NOSIP: variants seen among roughly 807,000 people sequenced by gnomAD.
NOSIP encodes nitric oxide synthase-interacting protein.
Under a neutral mutation model 36.4 loss-of-function variants are expected in NOSIP, and 25 were observed. That is an observed-to-expected ratio of 0.69 (90% confidence interval 0.50 to 0.96). The LOEUF is 0.96. Among genes scored for constraint, NOSIP ranks in the 40% least tolerant of loss-of-function variants. NOSIP has a pLI of 0.00. For missense variants in NOSIP, 370 were observed against 429.0 expected (o/e 0.86, Z 1.21); for synonymous variants, 187 against 179.2 (o/e 1.04, Z -0.35).
At chr19:49,564,870 A>G (rs2080385515) in intron 1 of NOSIP, among the ~76,000 whole-genome samples, 1 of 152,200 alleles carries the variant, frequency 6.6e-6, no homozygotes, top group Non-Finnish European at 1.5e-5. Flanking sequence ...CCCATAGTAT[A>G]GCTGAATCTC....
chr19:49,564,911 C>T lies in NOSIP; in HGVS notation c.-1-4219G>A, dbSNP rs117679843. Reference sequence around the variant, plus strand: ...CACCACGCAGGCGAGACACCAGACACGCAAAAGAAAACTTACTGTATGATC... The same window carrying T: ...CACCACGCAGGCGAGACACCAGACATGCAAAAGAAAACTTACTGTATGATC... On this transcript the variant is annotated intron_variant, in intron 1 of 8. Transcript: ENST00000596358. 4.9e-3 allele frequency among the ~76,000 whole-genome samples: 739 copies of T among 152,212 alleles called. 12 individuals carry two copies. The highest frequency in any genetic ancestry group is 0.036 in the East Asian group (188 of 5,184).
Position 49,557,001 on chromosome 19 carries a change from G to A in NOSIP, c.419-8C>T. 1 of 1,602,182 alleles carries A rather than the reference G, an allele frequency of 6.2e-7. No homozygotes were observed. On this transcript the variant is annotated splice_polypyrimidine_tract_variant and splice_region_variant and intron_variant, in intron 5 of 8. Transcript: ENST00000596358. Reference sequence around the variant, plus strand: ...GCCCAGGTTGGACATCATCTGTGGGGGAAGGAAGGGACTCAGATGCCGCCC... The same window carrying A: ...GCCCAGGTTGGACATCATCTGTGGGAGAAGGAAGGGACTCAGATGCCGCCC...
intron 1 of NOSIP, among the ~76,000 whole-genome samples, chr19:49,567,283 G>A (rs1196259745): frequency 4.0e-5 from 6 of 151,676 alleles, no homozygotes; most frequent in South Asian, 2.1e-4. Context: ...CCACCACACC[G>A]TATAATTTTT....
intron 1 of NOSIP, among the ~76,000 whole-genome samples, chr19:49,576,976 A>G (rs1334090018): frequency 1.3e-5 from 2 of 152,030 alleles, no homozygotes; most frequent in East Asian, 3.9e-4. Context: ...TAATGAAAGG[A>G]CACCTAACAC....
At chr19:49,567,764 T>G (rs945090587) in intron 1 of NOSIP, among the ~76,000 whole-genome samples, 1 of 152,020 alleles carries the variant, frequency 6.6e-6, no homozygotes, top group African/African-American at 2.4e-5. Context: ...CTCTGCCTCC[T>G]GTGTTCAAGC....
rs774388893 is a variant in NOSIP, at chr19:49,556,756, G to A, written c.538-20C>T. ...GCGGGACTGCAAGGGGCAGAGAGAG[G>A]CGGGCTCAGTAGGCAGGGCTGGCGC... On this transcript the variant is annotated intron_variant, in intron 6 of 8. Transcript: ENST00000596358. The A allele has an allele frequency of 7.7e-5, 123 of 1,587,662 alleles. No homozygotes were observed. The highest frequency in any genetic ancestry group is 1.0e-4 in the Non-Finnish European group (117 of 1,166,162).
At chr19:49,562,923 T>A (rs78535027) in intron 1 of NOSIP, among the ~76,000 whole-genome samples, 16,635 of 152,100 alleles carry the variant, frequency 0.11, 2,426 homozygotes, top group African/African-American at 0.32. Flanking sequence ...ATTATATACT[T>A]GTCTCACTCA....
chr19:49,573,778 A>G (rs2080515949), intron 1 of NOSIP, among the ~76,000 whole-genome samples: 1 of 150,626 alleles, frequency 6.6e-6, no homozygotes, highest in African/African-American at 2.4e-5. Flanking sequence ...CGTTCTGCCC[A>G]TTTATTTTAT....
intron 8 of NOSIP, 25 bp from the exon 9 acceptor site, chr19:49,555,847 A>T: frequency 6.3e-7 from 1 of 1,597,696 alleles, no homozygotes; most frequent in Non-Finnish European, 8.6e-7. Flanking sequence ...GAGAAGGACG[A>T]GGTAGAGGCC....
chr19:49,577,758 G>A (rs2080572180), intron 1 of NOSIP, among the ~76,000 whole-genome samples: 1 of 85,126 alleles, frequency 1.2e-5, no homozygotes, highest in Non-Finnish European at 2.2e-5. Flanking sequence ...GAGCAAGGCC[G>A]TGTCTCGGGA....
At chr19:49,564,637 C>A (rs988553593) in intron 1 of NOSIP, among the ~76,000 whole-genome samples, 2 of 152,066 alleles carry the variant, frequency 1.3e-5, no homozygotes, top group Non-Finnish European at 2.9e-5. Context: ...TCAGTATCTA[C>A]TGAAGCCAGG....
intron 1 of NOSIP, among the ~76,000 whole-genome samples, chr19:49,570,921 T>A (rs2080475457): frequency 6.6e-6 from 1 of 152,074 alleles, no homozygotes; most frequent in African/African-American, 2.4e-5. Flanking sequence ...GATGGGGACA[T>A]TTTCCCTCCA....
At chr19:49,556,461 G>A (rs6509437) in intron 7 of NOSIP, 36 bp from the exon 8 acceptor site, 246,284 of 1,608,648 alleles carry the variant, frequency 0.15, 27,791 homozygotes, top group African/African-American at 0.58. Flanking sequence ...CTCTGATCAG[G>A]GGCCTTCCTG....
chr19:49,558,359 CT>C (rs2080285138), intron 4 of NOSIP: 1 of 151,566 alleles, frequency 6.6e-6, no homozygotes, highest in Admixed American at 6.6e-5. Context: ...AGCGATTCTC[CT>C]GCCTCAGCTT....
At chr19:49,567,719 G>C (rs2080429643) in intron 1 of NOSIP, among the ~76,000 whole-genome samples, 1 of 152,018 alleles carries the variant, frequency 6.6e-6, no homozygotes, top group Non-Finnish European at 1.5e-5. Context: ...GCCCAGGTTG[G>C]AGTGTAGTAG....
chr19:49,574,937 A>G (rs1245788853), intron 1 of NOSIP, among the ~76,000 whole-genome samples: 1 of 143,236 alleles, frequency 7.0e-6, no homozygotes, highest in Non-Finnish European at 1.5e-5. Flanking sequence ...ATCTCGGCTC[A>G]CTGCAAGCTC....
chr19:49,580,035 G>C (rs534613832), intron 1 of NOSIP, among the ~76,000 whole-genome samples: 9 of 151,492 alleles, frequency 5.9e-5, no homozygotes, highest in Admixed American at 5.3e-4. Flanking sequence ...CGAAAGGGAA[G>C]GGGCTGTCAA....
chr19:49,565,387 T>C (rs1298745174), intron 1 of NOSIP, among the ~76,000 whole-genome samples: 2 of 151,900 alleles, frequency 1.3e-5, no homozygotes, highest in African/African-American at 4.8e-5. Context: ...GCTGGTTACA[T>C]GGGTGTGTTT....
chr19:49,556,607 A>T lies in NOSIP; in HGVS notation c.667T>A (p.Cys223Ser), dbSNP rs1207189854. 6.2e-7 allele frequency: 1 copy of T among 1,607,466 alleles called. No individual in the cohort carries two copies. Residue 223 changes from cysteine to serine, a missense_variant, in exon 7 of 9, where the codon TGT becomes AGT. Coordinates refer to ENST00000596358, the MANE Select transcript of NOSIP (RefSeq NM_001270960.2). ...GLITRSERYV[C>S]AVTRDSLSNA... ...CTCAGGCTGTCGCGGGTCACGGCAC[A>T]CACGTAGCGCTCGCTGCGGGTGATG...
Sources: gnomAD v4.1 joint callset for allele counts (sites outside exome capture counted in the v4.1 genomes callset) on GRCh38, gnomAD v4.1.1 for gene constraint, MANE v1.5 for transcripts, NCBI Gene and HGNC (gene_info 2026-07-23, HGNC 2026-07-21) for gene names.